Variants in GMDS observed in about 807,000 individuals in gnomAD.
GMDS encodes GDP-mannose 4,6 dehydratase.
In GMDS, 20 loss-of-function variants were observed where a neutral mutation model predicts 49.9. The ratio of observed to expected loss-of-function variants is 0.40; its 90% confidence interval spans 0.28 to 0.58. The LOEUF (loss-of-function observed/expected upper bound fraction) is 0.58, where lower values mean the gene tolerates loss of function less well. GMDS is among the 20% of genes least tolerant of loss of function. GMDS has a pLI of 0.42. For missense variants in GMDS, 362 were observed against 481.4 expected (o/e 0.75, Z 2.32); for synonymous variants, 177 against 178.6 (o/e 0.99, Z 0.07).
intron 4 of GMDS, among the ~76,000 whole-genome samples, chr6:1,997,907 G>A (rs143333217): frequency 6.6e-6 from 1 of 152,156 alleles, no homozygotes. Flanking sequence ...GAGTAGGCAG[G>A]GGAAACGGCC....
chr6:1,758,407 T>C (rs1481789413), intron 7 of GMDS, among the ~76,000 whole-genome samples: 1 of 152,052 alleles, frequency 6.6e-6, no homozygotes, highest in Non-Finnish European at 1.5e-5. Context: ...CATCCACAAA[T>C]GGGCACTCAT....
chr6:1,824,697 G>A (rs1771036946), intron 7 of GMDS, among the ~76,000 whole-genome samples: 1 of 152,086 alleles, frequency 6.6e-6, no homozygotes, highest in Non-Finnish European at 1.5e-5. Context: ...CACACCTAGG[G>A]CCTCCTTTTA....
At chr6:1,759,564 A>G (rs544292123) in intron 7 of GMDS, among the ~76,000 whole-genome samples, 3 of 152,198 alleles carry the variant, frequency 2.0e-5, no homozygotes, top group Non-Finnish European at 4.4e-5. Context: ...CTGACCAGAC[A>G]AGAAATGAAT....
intron 7 of GMDS, among the ~76,000 whole-genome samples, chr6:1,915,914 G>T (rs148242100): frequency 6.6e-6 from 1 of 152,190 alleles, no homozygotes; most frequent in East Asian, 1.9e-4. Flanking sequence ...CTCAAGGAAG[G>T]CTTTGACTTT....
At chr6:2,054,084 T>C (rs1002241792) in intron 4 of GMDS, among the ~76,000 whole-genome samples, 1 of 152,116 alleles carries the variant, frequency 6.6e-6, no homozygotes, top group Non-Finnish European at 1.5e-5. Flanking sequence ...CATTCATTTA[T>C]CAGGGAAAAT....
intron 1 of GMDS, among the ~76,000 whole-genome samples, chr6:2,182,141 G>A (rs1234152289): frequency 6.6e-6 from 1 of 152,234 alleles, no homozygotes; most frequent in Non-Finnish European, 1.5e-5. Context: ...TAACAACAGT[G>A]CCTTAAGCCA....
intron 9 of GMDS, among the ~76,000 whole-genome samples, chr6:1,660,855 A>G (rs1375504601): frequency 3.3e-5 from 5 of 150,264 alleles, no homozygotes; most frequent in African/African-American, 1.2e-4. Context: ...CTAGAAGACA[A>G]CCATGGTAGT....
In GMDS at chr6:1,648,344, G is replaced by C. The variant is rs572150241; in HGVS notation, c.988-23804C>G. ...ATTTCAGGTTCTACCTTGGTCGGAAGGAAACCTTTCTCTCCAGCGTCATGC... is the reference window on the plus strand; with the variant it reads ...ATTTCAGGTTCTACCTTGGTCGGAACGAAACCTTTCTCTCCAGCGTCATGC... On this transcript the variant is annotated intron_variant, in intron 9 of 10. Transcript: ENST00000380815. Among the ~76,000 whole-genome samples, 21 of 152,322 alleles carry C rather than the reference G, an allele frequency of 1.4e-4. 1 individual carries two copies. The South Asian group carries it at 4.3e-3, about 32-fold the overall frequency.
chr6:2,156,247 TAAAGGTGTG>T (rs1372424096), intron 1 of GMDS, among the ~76,000 whole-genome samples: 1 of 152,134 alleles, frequency 6.6e-6, no homozygotes, highest in African/African-American at 2.4e-5. Context: ...AATTTCAAGG[TAAAGGTGTG>T]AAAGGAAAAC....
chr6:1,695,266 C>G (rs1335271528), intron 9 of GMDS, among the ~76,000 whole-genome samples: 1 of 152,188 alleles, frequency 6.6e-6, no homozygotes, highest in African/African-American at 2.4e-5. Context: ...AGTTAGAAAT[C>G]TCCACAGTGA....
chr6:1,891,939 G>A (rs761659491), intron 7 of GMDS, among the ~76,000 whole-genome samples: 3 of 152,240 alleles, frequency 2.0e-5, no homozygotes, highest in East Asian at 1.9e-4. Context: ...AAATCCCATC[G>A]ACTGTAAACA....
At chr6:1,674,171 C>T (rs1448900466) in intron 9 of GMDS, among the ~76,000 whole-genome samples, 1 of 151,980 alleles carries the variant, frequency 6.6e-6, no homozygotes, top group Non-Finnish European at 1.5e-5. Flanking sequence ...GCTGCTCCTC[C>T]TCCTAGTCAG....
chr6:1,728,391 T>G (rs891497534), intron 8 of GMDS, among the ~76,000 whole-genome samples: 3 of 152,220 alleles, frequency 2.0e-5, no homozygotes, highest in Non-Finnish European at 4.4e-5. Context: ...GAGAAACAAG[T>G]TCAGCAGATA....
intron 7 of GMDS, among the ~76,000 whole-genome samples, chr6:1,922,094 A>C (rs1029282252): frequency 2.0e-5 from 3 of 152,212 alleles, no homozygotes; most frequent in Admixed American, 6.5e-5. Flanking sequence ...ATTACCTAAC[A>C]AACAGTCACT....
chr6:2,108,251 T>C (rs1300465459), intron 4 of GMDS, among the ~76,000 whole-genome samples: 3 of 152,214 alleles, frequency 2.0e-5, no homozygotes, highest in Non-Finnish European at 2.9e-5. Flanking sequence ...ATTGTATGAA[T>C]AGGAACAAGC....
chr6:1,664,528 T>G (rs1764179544), intron 9 of GMDS, among the ~76,000 whole-genome samples: 2 of 152,194 alleles, frequency 1.3e-5, no homozygotes, highest in African/African-American at 4.8e-5. Flanking sequence ...AGTCCCCGAT[T>G]CATGGTGTCT....
At chr6:1,977,179 C>T (rs796941938) in intron 4 of GMDS, among the ~76,000 whole-genome samples, 8 of 152,274 alleles carry the variant, frequency 5.3e-5, no homozygotes, top group African/African-American at 1.9e-4. Context: ...AAAAGTAATT[C>T]CATTGGGTAA....
At chr6:2,034,816 C>T (rs778516057) in intron 4 of GMDS, among the ~76,000 whole-genome samples, 1 of 152,160 alleles carries the variant, frequency 6.6e-6, no homozygotes, top group African/African-American at 2.4e-5. Context: ...TTACCTGATA[C>T]GTATTAAAAC....
intron 9 of GMDS, among the ~76,000 whole-genome samples, chr6:1,641,994 G>A (rs1318746906): frequency 6.6e-6 from 1 of 152,046 alleles, no homozygotes; most frequent in African/African-American, 2.4e-5. Flanking sequence ...TGCTCCTTCA[G>A]GATGCCCCTG....
Sources: allele counts gnomAD v4.1 joint callset (sites outside exome capture counted in the v4.1 genomes callset), GRCh38; gene constraint gnomAD v4.1.1; transcripts MANE v1.5; gene names NCBI Gene and HGNC (gene_info 2026-07-23, HGNC 2026-07-21).